Variants in SLC24A2 observed in about 807,000 individuals in gnomAD.
SLC24A2 encodes the protein sodium/potassium/calcium exchanger 2.
SLC24A2 carries 36 observed loss-of-function variants against 62.0 expected under a neutral mutation model. That is an observed-to-expected ratio of 0.58 (90% confidence interval 0.44 to 0.77). SLC24A2 has a LOEUF of 0.77. Ranked by LOEUF, SLC24A2 falls within the 30% of genes least tolerant of loss-of-function variation. The probability of loss-of-function intolerance (pLI) is 0.00; values close to 1 mark genes in which losing one functional copy is unlikely to be tolerated. For synonymous variants in SLC24A2, 358 were observed against 294.0 expected (o/e 1.22, Z -2.23); for missense variants, 846 against 817.9 (o/e 1.03, Z -0.42).
intron 7 of SLC24A2, among the ~76,000 whole-genome samples, chr9:19,570,604 A>G (rs1214453588): frequency 1.3e-5 from 2 of 152,250 alleles, no homozygotes; most frequent in African/African-American, 4.8e-5. Context: ...GGACACCTCG[A>G]ATGGTGTTTT....
chr9:20,184,791 G>A, the SLC24A2 span, among the ~76,000 whole-genome samples: 1 of 151,968 alleles, frequency 6.6e-6, no homozygotes, highest in African/African-American at 2.4e-5. Flanking sequence ...ATGTCAAACA[G>A]ATAACTACAC....
the SLC24A2 span, among the ~76,000 whole-genome samples, chr9:20,119,784 T>G: frequency 6.6e-6 from 1 of 152,158 alleles, no homozygotes; most frequent in Non-Finnish European, 1.5e-5. Context: ...AAAGTAATAG[T>G]CATAAAGATT....
intron 9 of SLC24A2, among the ~76,000 whole-genome samples, chr9:19,522,793 C>A (rs984691461): frequency 6.6e-6 from 1 of 152,208 alleles, no homozygotes; most frequent in African/African-American, 2.4e-5. Context: ...GGTGATTTCA[C>A]TAGTATGTTT....
At chr9:20,063,976 AAG>A in the SLC24A2 span, among the ~76,000 whole-genome samples, 1 of 152,212 alleles carries the variant, frequency 6.6e-6, no homozygotes, top group Admixed American at 6.5e-5. Flanking sequence ...TTCTACTCTT[AAG>A]AATCTACCTG....
intron 2 of SLC24A2, among the ~76,000 whole-genome samples, chr9:19,769,293 G>A (rs1822613106): frequency 6.6e-6 from 1 of 152,146 alleles, no homozygotes. Context: ...GATACGTCCA[G>A]CATTTGATCA....
the SLC24A2 span, among the ~76,000 whole-genome samples, chr9:19,918,629 C>T: frequency 6.6e-5 from 10 of 152,110 alleles, 1 homozygote; most frequent in Admixed American, 5.2e-4. Context: ...AAGAGTCTTG[C>T]GTGTGTTTCC....
At chr9:19,821,169 A>G in the SLC24A2 span, among the ~76,000 whole-genome samples, 6 of 151,988 alleles carry the variant, frequency 3.9e-5, no homozygotes, top group African/African-American at 1.2e-4. Flanking sequence ...AGTCATGCCT[A>G]TTTGTACTGC....
chr9:19,532,566 T>C (rs146153856), intron 8 of SLC24A2, among the ~76,000 whole-genome samples: 226 of 152,346 alleles, frequency 1.5e-3, no homozygotes, highest in African/African-American at 5.2e-3. Context: ...CCTGCAGATA[T>C]GAAGAGCCAA....
At chr9:20,160,536 A>G in the SLC24A2 span, among the ~76,000 whole-genome samples, 1 of 151,476 alleles carries the variant, frequency 6.6e-6, no homozygotes, top group African/African-American at 2.4e-5. Flanking sequence ...ATGGTAGTTT[A>G]TAAAGTATCA....
chr9:19,638,194 T>A (rs1015645574), intron 2 of SLC24A2, among the ~76,000 whole-genome samples: 3 of 152,140 alleles, frequency 2.0e-5, no homozygotes, highest in Non-Finnish European at 2.9e-5. Context: ...GGCTTGAGGT[T>A]ATAGGTCAGG....
chr9:20,236,344 G>T, the SLC24A2 span, among the ~76,000 whole-genome samples: 1 of 152,164 alleles, frequency 6.6e-6, no homozygotes, highest in Non-Finnish European at 1.5e-5. Flanking sequence ...TGGGGGAAAG[G>T]TAAATCTAAA....
chr9:20,122,679 C>G, the SLC24A2 span, among the ~76,000 whole-genome samples: 1 of 152,146 alleles, frequency 6.6e-6, no homozygotes, highest in African/African-American at 2.4e-5. Context: ...GAGCTAGACT[C>G]TGTCTCGAAA....
At chr9:19,814,745 T>C in the SLC24A2 span, among the ~76,000 whole-genome samples, 6 of 152,202 alleles carry the variant, frequency 3.9e-5, no homozygotes, top group African/African-American at 9.6e-5. Flanking sequence ...TATGAAAATA[T>C]TGTCAGCATT....
the SLC24A2 span, among the ~76,000 whole-genome samples, chr9:20,068,057 CTTTTT>C: frequency 1.1e-5 from 1 of 89,742 alleles, no homozygotes; most frequent in Non-Finnish European, 2.1e-5. Flanking sequence ...TTTTTTGACT[CTTTTT>C]TTTTTTTTTT....
chr9:20,070,593 T>G, the SLC24A2 span, among the ~76,000 whole-genome samples: 1 of 152,188 alleles, frequency 6.6e-6, no homozygotes, highest in Non-Finnish European at 1.5e-5. Flanking sequence ...ATCTAGGACT[T>G]TGCACAGAAT....
chr9:20,288,268 G>C, the SLC24A2 span, among the ~76,000 whole-genome samples: 1 of 152,166 alleles, frequency 6.6e-6, no homozygotes, highest in African/African-American at 2.4e-5. Context: ...GTCAGACTTG[G>C]TGTAATGCAA....
At chr9:19,683,320 T>C (rs767096660) in intron 2 of SLC24A2, among the ~76,000 whole-genome samples, 2 of 152,186 alleles carry the variant, frequency 1.3e-5, no homozygotes, top group Non-Finnish European at 2.9e-5. Context: ...AGAGTGCTAC[T>C]GAAGCAAAGG....
chr9:20,084,061 A>G, the SLC24A2 span, among the ~76,000 whole-genome samples: 2 of 152,188 alleles, frequency 1.3e-5, no homozygotes, highest in African/African-American at 4.8e-5. Context: ...ATAATACCTC[A>G]TTAGGCAGCA....
the SLC24A2 span, among the ~76,000 whole-genome samples, chr9:20,017,033 A>G: frequency 6.6e-6 from 1 of 152,092 alleles, no homozygotes; most frequent in African/African-American, 2.4e-5. Context: ...TTTTATTTTA[A>G]TTTTTTTGAG....
Sources: gnomAD v4.1 joint callset for allele counts (sites outside exome capture counted in the v4.1 genomes callset) on GRCh38, gnomAD v4.1.1 for gene constraint, MANE v1.5 for transcripts, NCBI Gene and HGNC (gene_info 2026-07-23, HGNC 2026-07-21) for gene names.